Variants in USP45 observed in about 807,000 individuals in gnomAD.
USP45 encodes ubiquitin specific peptidase 45.
USP45 carries 89 observed loss-of-function variants against 95.8 expected under a neutral mutation model. The ratio of observed to expected loss-of-function variants is 0.93; its 90% CI spans 0.78 to 1.11. The LOEUF (loss-of-function observed/expected upper bound fraction) is 1.11, where lower values mean the gene tolerates loss of function less well. Ranked by LOEUF, USP45 falls within the 50% of genes least tolerant of loss-of-function variation. The pLI is 0.00. For synonymous variants in USP45, 281 were observed against 316.2 expected (o/e 0.89, Z 1.18); for missense variants, 898 against 942.5 (o/e 0.95, Z 0.62).
chr6:99,455,451 AAACAAC>A (rs148860868), intron 13 of USP45, among the ~76,000 whole-genome samples: 46,669 of 150,620 alleles, frequency 0.31, 7,422 homozygotes, highest in East Asian at 0.47. Context: ...ACTCTGTCTC[AAACAAC>A]AACAACAACA....
At chr6:99,508,343 G>A (rs534077121) in intron 3 of USP45, among the ~76,000 whole-genome samples, 25 of 152,210 alleles carry the variant, frequency 1.6e-4, no homozygotes, top group African/African-American at 5.8e-4. Flanking sequence ...AAATACAAAA[G>A]GTAAAGACTG....
At chr6:99,480,461 A>C (rs1025933245) in intron 8 of USP45, among the ~76,000 whole-genome samples, 1 of 152,184 alleles carries the variant, frequency 6.6e-6, no homozygotes, top group East Asian at 1.9e-4. Context: ...AGATCACCTG[A>C]GGTTGGGAGT....
chr6:99,433,328 A>C lies in USP45; in HGVS notation c.*2388T>G, dbSNP rs909374816. ...TAATGAAACTTTAATTCATTCAAACACTATGGTAGTTATGTTGATGATAAG... is the reference window on the plus strand; with the variant it reads ...TAATGAAACTTTAATTCATTCAAACCCTATGGTAGTTATGTTGATGATAAG... On this transcript the variant is annotated 3_prime_UTR_variant, in exon 18 of 18. Coordinates refer to ENST00000500704, the MANE Select transcript of USP45 (RefSeq NM_001346022.3). The C allele has an allele frequency of 2.0e-5, 3 of 152,640 alleles. No individual in the cohort carries two copies. The highest frequency in any genetic ancestry group is 4.4e-5 in the Non-Finnish European group (3 of 68,026). The allele number at this position is 152,640 out of a possible 1,614,324, so 9.5% of individuals were successfully genotyped here.
intron 13 of USP45, among the ~76,000 whole-genome samples, chr6:99,456,132 C>CA (rs200563445): frequency 1.8e-4 from 16 of 87,638 alleles, no homozygotes; most frequent in Admixed American, 2.5e-4. Flanking sequence ...GACTCTGTCT[C>CA]GGAAAAAAAA....
rs1794539431 is a variant in USP45 at position 99,488,702 on chromosome 6, G to A, written c.597C>T (p.Cys199=). Residue 199 remains cysteine (C), a synonymous_variant, in exon 6 of 18, where the codon TGC becomes TGT. Transcript: ENST00000500704. ...TTACCTGCATGACTGCATTAAAAAA[G>A]CAAGTATTTCCTAAATTTGTAATTC... ...VRGITNLGNT[C]FFNAVMQNLA... The A allele has an allele frequency of 2.5e-6, 4 of 1,599,502 alleles. No individual in the cohort carries two copies. Among genetic ancestry groups the A allele is most frequent in the Non-Finnish European group, 3.4e-6 (4 of 1,174,304 alleles).
chr6:99,444,913 G>A (rs148867081), intron 14 of USP45, among the ~76,000 whole-genome samples: 306 of 152,224 alleles, frequency 2.0e-3, no homozygotes, highest in African/African-American at 7.1e-3. Context: ...TAGCCTCACC[G>A]TACCTGAATA....
intron 15 of USP45, among the ~76,000 whole-genome samples, chr6:99,441,351 G>C (rs1263174385): frequency 6.6e-6 from 1 of 152,102 alleles, no homozygotes; most frequent in Non-Finnish European, 1.5e-5. Flanking sequence ...GACTGACATG[G>C]TAAAACCCTG....
At chr6:99,441,171 A>ATC (rs1781448950) in intron 15 of USP45, among the ~76,000 whole-genome samples, 2 of 5,256 alleles carry the variant, frequency 3.8e-4, no homozygotes, top group Admixed American at 4.3e-3. Context: ...ATTTTTGTGT[A>ATC]TATCTATTTC....
rs1782501781 is a variant in USP45, at chr6:99,446,132, T to C, written c.1640A>G (p.Glu547Gly). The change falls in exon 14 of 18, where the codon GAG (glutamate) becomes GGG (glycine). Residue 547 changes from glutamate (E) to glycine (G), a missense_variant. Glu to Gly is a moderately conservative substitution (Grantham distance 98). Coordinates refer to ENST00000500704, the MANE Select transcript of USP45 (RefSeq NM_001346022.3). ...CATTTCCTTATCACCACTGTCAGTC[T>C]CCTTGGTGTACAGCAGTTTACCTGC... ...LSAGKLLYTK[E>G]TDSGDKEMAE... The C allele has an allele frequency of 1.9e-6, 3 of 1,614,066 alleles. No individual in the cohort carries two copies. The highest frequency in any genetic ancestry group is 2.7e-5 in the African/African-American group (2 of 74,954).
intron 13 of USP45, among the ~76,000 whole-genome samples, chr6:99,463,657 C>A (rs1787089088): frequency 6.6e-6 from 1 of 151,412 alleles, no homozygotes; most frequent in African/African-American, 2.4e-5. Flanking sequence ...ACTAAAAATA[C>A]AAAAATTAGC....
At chr6:99,449,944 G>T (rs574185064) in intron 13 of USP45, among the ~76,000 whole-genome samples, 1 of 152,128 alleles carries the variant, frequency 6.6e-6, no homozygotes, top group South Asian at 2.1e-4. Context: ...GTTACATAAC[G>T]AAATGAAGGC....
chr6:99,479,849 C>A (rs531954556), intron 8 of USP45, among the ~76,000 whole-genome samples: 1 of 152,248 alleles, frequency 6.6e-6, no homozygotes, highest in South Asian at 2.1e-4. Flanking sequence ...TATTGGTGGT[C>A]CTTTTTCATT....
At chr6:99,483,498 C>A (rs1251713160) in intron 7 of USP45, among the ~76,000 whole-genome samples, 1 of 152,112 alleles carries the variant, frequency 6.6e-6, no homozygotes, top group Admixed American at 6.5e-5. Context: ...TCCTAAAGGA[C>A]AAGGAATAGA....
chr6:99,475,383 C>T (rs1562373767), intron 9 of USP45, among the ~76,000 whole-genome samples: 2 of 147,292 alleles, frequency 1.4e-5, no homozygotes, highest in South Asian at 4.3e-4. Context: ...GTGGCACGAT[C>T]TCGGCTCACT....
intron 16 of USP45, among the ~76,000 whole-genome samples, chr6:99,439,191 C>T (rs546084877): frequency 1.1e-3 from 166 of 152,194 alleles, no homozygotes; most frequent in Middle Eastern, 3.4e-3. Flanking sequence ...AGTATGTTAC[C>T]CCATAACTGC....
At chr6:99,445,085 A>T (rs1468502364) in intron 14 of USP45, among the ~76,000 whole-genome samples, 1 of 152,168 alleles carries the variant, frequency 6.6e-6, no homozygotes, top group Non-Finnish European at 1.5e-5. Flanking sequence ...ATGACATGCT[A>T]CTATTTAAAA....
chr6:99,485,175 C>CAAAAAAA (rs1190400783), intron 7 of USP45, among the ~76,000 whole-genome samples: 2 of 88,696 alleles, frequency 2.3e-5, no homozygotes, highest in African/African-American at 4.2e-5. Flanking sequence ...ACTAAAAATA[C>CAAAAAAA]AAAAAAAAAA....
At chr6:99,516,493 T>A (rs1271336786), upstream of USP45, among the ~76,000 whole-genome samples, 1 of 152,234 alleles carries the variant, frequency 6.6e-6, no homozygotes, top group Non-Finnish European at 1.5e-5. Context: ...CTTCTAACAG[T>A]ATTTACATGT....
intron 13 of USP45, chr6:99,460,772 AATG>A: frequency 1.0e-6 from 1 of 984,672 alleles, no homozygotes; most frequent in Non-Finnish European, 1.2e-6. Flanking sequence ...ATATAACCCC[AATG>A]ATGAGAGGCA....
Sources: allele counts gnomAD v4.1 joint callset (sites outside exome capture counted in the v4.1 genomes callset), GRCh38; gene constraint gnomAD v4.1.1; transcripts MANE v1.5; gene names NCBI Gene and HGNC (gene_info 2026-07-23, HGNC 2026-07-21).